DOCK1: variants seen among roughly 807,000 people sequenced by gnomAD.
DOCK1 encodes dedicator of cytokinesis 1.
Under a neutral mutation model 262.7 loss-of-function variants are expected in DOCK1, and 138 were observed. The ratio of observed to expected loss-of-function variants is 0.53; its 90% CI spans 0.46 to 0.61. The LOEUF (loss-of-function observed/expected upper bound fraction) is 0.61, where lower values mean the gene tolerates loss of function less well. Ranked by LOEUF, DOCK1 falls within the 20% of genes least tolerant of loss-of-function variation. The pLI, the probability that DOCK1 is intolerant of heterozygous loss-of-function variation, is 0.00. For synonymous variants in DOCK1, 866 were observed against 867.4 expected, an observed-to-expected ratio of 1.00 and a Z score of 0.03; for missense variants, 1,908 against 2,370.7, an observed-to-expected ratio of 0.80 and a Z score of 4.05.
chr10:127,292,969 T>C (rs552654136), intron 29 of DOCK1, among the ~76,000 whole-genome samples: 1 of 152,232 alleles, frequency 6.6e-6, no homozygotes, highest in East Asian at 1.9e-4. Context: ...GTTCAATTTG[T>C]AATGTGAAAG....
Position 127,409,093 on chromosome 10 carries a change from T to C in DOCK1, c.4179T>C (p.Ala1393=), listed in dbSNP as rs748800117. 1 of 1,603,448 alleles carries C rather than the reference T, an allele frequency of 6.2e-7. No homozygotes were observed. Among genetic ancestry groups the C allele is most frequent in the South Asian group, 1.1e-5 (1 of 89,344 alleles). Residue 1393 remains alanine, a synonymous_variant, in exon 41 of 52, where the codon GCT becomes GCC. Coordinates refer to ENST00000623213, the MANE Select transcript of DOCK1 (RefSeq NM_001290223.2). ...ATGAGCGCCGGGAAGATTTTGAGGC[T>C]CGGCTCTTAACTCAGTTTCCAAACG... The part of the protein sequence containing the change: ...KEYERREDFE[A]RLLTQFPNAE...
At chr10:127,090,482 A>T (rs1160700347) in intron 23 of DOCK1, among the ~76,000 whole-genome samples, 3 of 151,714 alleles carry the variant, frequency 2.0e-5, no homozygotes, top group African/African-American at 4.9e-5. Context: ...TTTCCTGTTA[A>T]TAATTTATTT....
At chr10:127,095,239 G>A (rs1215244807) in intron 23 of DOCK1, among the ~76,000 whole-genome samples, 2 of 152,136 alleles carry the variant, frequency 1.3e-5, no homozygotes, top group Admixed American at 1.3e-4. Context: ...TTTTTGCTAC[G>A]TGGTTTCTGC....
At chr10:126,906,815 A>G (rs7086220) in intron 1 of DOCK1, among the ~76,000 whole-genome samples, 146,338 of 152,146 alleles carry the variant, frequency 0.96, 70,654 homozygotes, top group East Asian at 1. Flanking sequence ...GACTTACAGT[A>G]TGCCCTGACC....
chr10:127,320,721 G>C (rs1334567985), intron 29 of DOCK1, among the ~76,000 whole-genome samples: 2 of 152,158 alleles, frequency 1.3e-5, no homozygotes, highest in Non-Finnish European at 2.9e-5. Flanking sequence ...CATTCACTTA[G>C]GCACTTGCTT....
At chr10:127,136,139 C>A (rs993948849) in intron 27 of DOCK1, 9 of 152,160 alleles carry the variant, frequency 5.9e-5, no homozygotes, top group Admixed American at 4.6e-4. Context: ...AAGCATACAA[C>A]TGCAGTGTTG....
chr10:127,221,437 CAT>C (rs972050455), intron 27 of DOCK1, among the ~76,000 whole-genome samples: 13 of 152,126 alleles, frequency 8.5e-5, no homozygotes, highest in African/African-American at 2.2e-4. Context: ...ACGTGAGAGA[CAT>C]GTGTGTCTTG....
intron 27 of DOCK1, among the ~76,000 whole-genome samples, chr10:127,203,268 AAC>A (rs1402166331): frequency 6.6e-6 from 1 of 152,172 alleles, no homozygotes; most frequent in African/African-American, 2.4e-5. Flanking sequence ...GATTATCTTG[AAC>A]ACCTCTTTGG....
chr10:127,333,430 C>G (rs1221005723), intron 29 of DOCK1, among the ~76,000 whole-genome samples: 2 of 152,262 alleles, frequency 1.3e-5, no homozygotes, highest in East Asian at 3.9e-4. Context: ...TAAGCAAGGG[C>G]CTATAATTGT....
Position 127,043,359 on chromosome 10 carries a change from C to T in DOCK1, c.2201+195C>T, listed in dbSNP as rs550143905. Among the ~76,000 whole-genome samples the T allele has an allele frequency of 1.7e-3, 265 of 152,288 alleles. 2 individuals are homozygous for T. The highest frequency in any genetic ancestry group is 6.3e-3 in the African/African-American group (260 of 41,558). On this transcript the variant is annotated intron_variant, in intron 21 of 51. Coordinates refer to ENST00000623213, the MANE Select transcript of DOCK1 (RefSeq NM_001290223.2). The stretch of plus-strand genomic sequence containing the variant: ...TTGTTGAAAGAGATATGTGATAAAT[C>T]ATCGTAATATTCTGGAATAAATTCT...
intron 23 of DOCK1, among the ~76,000 whole-genome samples, chr10:127,083,205 A>G (rs1051136536): frequency 2.6e-5 from 4 of 152,244 alleles, no homozygotes; most frequent in African/African-American, 9.6e-5. Flanking sequence ...GGCATGCCAC[A>G]GGTTCCAACA....
At position 127,415,285 on chromosome 10, in the gene DOCK1, A is replaced by G. The variant is rs371066574; in HGVS notation, c.4515+47A>G. ...AAGGAATTGTCCGTTCCCTTCCTCAATACAGTCTGCCACGCCTTCTTCACC... is the reference window on the plus strand; with the variant it reads ...AAGGAATTGTCCGTTCCCTTCCTCAGTACAGTCTGCCACGCCTTCTTCACC... On this transcript the variant is annotated intron_variant, in intron 44 of 51. Transcript: ENST00000623213. The G allele has an allele frequency of 1.8e-4, 286 of 1,573,310 alleles. No homozygotes were observed. In the African/African-American group the frequency reaches 3.1e-3, roughly 17 times the overall value.
Position 127,012,849 on chromosome 10 carries a change from G to A in DOCK1, c.1201+475G>A, listed in dbSNP as rs1303916104. On this transcript the variant is annotated intron_variant, in intron 12 of 51. Coordinates refer to ENST00000623213, the MANE Select transcript of DOCK1 (RefSeq NM_001290223.2). The surrounding 1 kb of genome is among the most constrained non-coding windows in gnomAD (Gnocchi z 4.0). ...CACGTTTCTGAGCAGCTGACCTGCT[G>A]CTGGCAGAAGGAATGAATCAGTCAC... 6.6e-6 allele frequency among the ~76,000 whole-genome samples: 1 copy of A among 152,210 alleles called. No individual in the cohort carries two copies. The highest frequency in any genetic ancestry group is 1.5e-5 in the Non-Finnish European group (1 of 68,036).
intron 23 of DOCK1, among the ~76,000 whole-genome samples, chr10:127,070,218 C>G (rs989438080): frequency 6.7e-6 from 1 of 148,786 alleles, no homozygotes; most frequent in Non-Finnish European, 1.5e-5. Context: ...AAAACATTCA[C>G]AGGTCCCAAG....
chr10:127,416,063 T>C (rs1321375234), intron 44 of DOCK1, among the ~76,000 whole-genome samples: 1 of 152,238 alleles, frequency 6.6e-6, no homozygotes, highest in African/African-American at 2.4e-5. Context: ...TCTGCCCAGC[T>C]GCGTGTCCAG....
At position 127,248,068 on chromosome 10, in the gene DOCK1, C is replaced by T; in HGVS notation, c.2908C>T (p.His970Tyr). Residue 970 changes from histidine (H) to tyrosine (Y), a missense_variant, in exon 28 of 52, where the codon CAC becomes TAC. Physicochemically the swap from His to Tyr is moderately conservative, Grantham distance 83 (BLOSUM62 2). Around this residue, in one of 9 missense-constraint regions of DOCK1, gnomAD observed 518 missense variants for 575.1 expected, o/e 0.90. Transcript: ENST00000623213. ...ACAAATGGAAGATTACCATTATGCC[C>T]ACTTGATCAAGACTTTTGGGAAAAT... ...LRQMEDYHYA[H>Y]LIKTFGKMRT... 1 of 1,614,012 alleles carries T rather than the reference C, an allele frequency of 6.2e-7. No homozygotes were observed. The highest frequency in any genetic ancestry group is 1.1e-5 in the South Asian group (1 of 91,074).
At chr10:127,103,004 T>C (rs1177071528) in intron 23 of DOCK1, among the ~76,000 whole-genome samples, 1 of 152,194 alleles carries the variant, frequency 6.6e-6, no homozygotes, top group Non-Finnish European at 1.5e-5. Flanking sequence ...TCTCCATTTC[T>C]GTAGTTTTGC....
intron 46 of DOCK1, among the ~76,000 whole-genome samples, chr10:127,421,854 T>C (rs533129474): frequency 1.3e-4 from 20 of 152,336 alleles, no homozygotes; most frequent in African/African-American, 4.6e-4. Flanking sequence ...TAGACCGCAA[T>C]GTGTTTCTCC....
At chr10:127,016,346 C>T (rs1421347315) in intron 12 of DOCK1, among the ~76,000 whole-genome samples, 2 of 152,166 alleles carry the variant, frequency 1.3e-5, no homozygotes, top group African/African-American at 4.8e-5. Flanking sequence ...TCAGCTCCAG[C>T]TAATGGAAAT....
Sources: allele counts gnomAD v4.1 joint callset (sites outside exome capture counted in the v4.1 genomes callset), GRCh38; gene constraint gnomAD v4.1.1; regional missense constraint gnomAD v4.1.1; non-coding constraint Gnocchi (gnomAD v3.1); transcripts MANE v1.5; gene names NCBI Gene and HGNC (gene_info 2026-07-23, HGNC 2026-07-21).